NRIP1: variants seen among roughly 807,000 people sequenced by gnomAD.
NRIP1 encodes the protein nuclear receptor interacting protein 1, also known as nuclear receptor-interacting protein 1.
In NRIP1, 28 loss-of-function variants were observed where a neutral mutation model predicts 75.0. The ratio of observed to expected loss-of-function variants is 0.37; its 90% confidence interval spans 0.28 to 0.51. NRIP1 has a LOEUF of 0.51. NRIP1 is among the 20% of genes least tolerant of loss of function. The pLI, the probability that NRIP1 is intolerant of heterozygous loss-of-function variation, is 0.92. For missense variants in NRIP1, 1,435 were observed against 1,343.7 expected (o/e 1.07, Z -1.06); for synonymous variants, 526 against 487.6 (o/e 1.08, Z -1.04).
In NRIP1 at chr21:14,967,578, A is replaced by T; in HGVS notation, c.615T>A (p.Asp205Glu). 3.1e-6 allele frequency: 5 copies of T among 1,614,162 alleles called. No individual in the cohort carries two copies. The highest frequency in any genetic ancestry group is 4.2e-6 in the Non-Finnish European group (5 of 1,180,034). Reference sequence around the variant, plus strand: ...TATCTCTGATGAGGTTTTTAGTCACATCAGGAAGATTCGTATCAGGCTTTT... The same window carrying T: ...TATCTCTGATGAGGTTTTTAGTCACTTCAGGAAGATTCGTATCAGGCTTTT... ...KDQKPDTNLP[D>E]VTKNLIRDRF... The change falls in exon 4 of 4, where the codon GAT (aspartate) becomes GAA (glutamate). Residue 205 changes from aspartate to glutamate, a missense_variant. By Grantham distance (45) the Asp-to-Glu change is conservative (BLOSUM62 2). Transcript: ENST00000318948.
intron 2 of NRIP1, among the ~76,000 whole-genome samples, chr21:15,039,339 T>C (rs965686240): frequency 6.6e-6 from 1 of 152,116 alleles, no homozygotes; most frequent in African/African-American, 2.4e-5. Context: ...TAAAGTGTGA[T>C]TATGCCGTTT....
intron 3 of NRIP1, among the ~76,000 whole-genome samples, chr21:14,985,485 A>G (rs2087372400): frequency 6.6e-6 from 1 of 152,160 alleles, no homozygotes; most frequent in Non-Finnish European, 1.5e-5. Context: ...GCTATCTATC[A>G]TCTATCATCT....
At chr21:15,035,485 T>C (rs2088810480) in intron 2 of NRIP1, among the ~76,000 whole-genome samples, 1 of 151,880 alleles carries the variant, frequency 6.6e-6, no homozygotes, top group South Asian at 2.1e-4. Context: ...AGAGAGGTTA[T>C]ACTAATAAAA....
rs2086598331 is a variant in NRIP1, at chr21:14,961,901, CATT to C, written c.*2812_*2814del. 6.6e-6 allele frequency: 1 copy of C among 151,614 alleles called. No individual in the cohort carries two copies. The highest frequency in any genetic ancestry group is 6.6e-5 in the Admixed American group (1 of 15,132). 9.4% of individuals were successfully genotyped at this position (151,614 alleles called of 1,614,324 possible). On this transcript the variant is annotated 3_prime_UTR_variant, in exon 4 of 4. Coordinates refer to ENST00000318948, the MANE Select transcript of NRIP1 (RefSeq NM_003489.4). Reference sequence around the variant, plus strand: ...AAGAGATTAAAAGGCTTTTCTGTTGCATTAGAACAATACAAAATATGTATTTTT... The same window carrying C: ...AAGAGATTAAAAGGCTTTTCTGTTGCAGAACAATACAAAATATGTATTTTT...
At chr21:14,993,711 G>C (rs2087636044) in intron 3 of NRIP1, among the ~76,000 whole-genome samples, 1 of 151,964 alleles carries the variant, frequency 6.6e-6, no homozygotes, top group Admixed American at 6.6e-5. Context: ...CTTGATCCCA[G>C]GAAGTTGAGG....
At chr21:15,019,617 T>G (rs192107753) in intron 2 of NRIP1, among the ~76,000 whole-genome samples, 2,661 of 150,946 alleles carry the variant, frequency 0.018, 87 homozygotes, top group African/African-American at 0.061. Flanking sequence ...GCCTCCCAAG[T>G]AGCTGGGATT....
chr21:15,008,553 G>T (rs2088028530), intron 3 of NRIP1, among the ~76,000 whole-genome samples: 1 of 152,016 alleles, frequency 6.6e-6, no homozygotes, highest in Non-Finnish European at 1.5e-5. Context: ...CAGCTGCCAA[G>T]CCAACGCTGG....
chr21:15,010,406 T>C (rs999904151), intron 3 of NRIP1, among the ~76,000 whole-genome samples: 4 of 150,248 alleles, frequency 2.7e-5, no homozygotes, highest in Non-Finnish European at 5.9e-5. Flanking sequence ...AAAACCTGAG[T>C]TGATATGGAG....
intron 3 of NRIP1, among the ~76,000 whole-genome samples, chr21:15,000,892 T>C (rs1357046197): frequency 3.3e-5 from 5 of 152,180 alleles, no homozygotes; most frequent in Admixed American, 1.3e-4. Flanking sequence ...TTATAGACAA[T>C]ATGACCTCAA....
intron 3 of NRIP1, among the ~76,000 whole-genome samples, chr21:15,002,674 T>G (rs2087876353): frequency 6.6e-6 from 1 of 152,152 alleles, no homozygotes; most frequent in South Asian, 2.1e-4. Flanking sequence ...TCATGATCAG[T>G]CTTCTTTGTA....
intron 3 of NRIP1, among the ~76,000 whole-genome samples, chr21:15,006,482 G>A (rs1258040128): frequency 6.6e-6 from 1 of 152,182 alleles, no homozygotes; most frequent in Non-Finnish European, 1.5e-5. Context: ...CAGCTGTAAT[G>A]CTTAAATCAC....
intron 3 of NRIP1, among the ~76,000 whole-genome samples, chr21:15,001,606 G>A (rs940854473): frequency 6.6e-6 from 1 of 150,802 alleles, no homozygotes; most frequent in Non-Finnish European, 1.5e-5. Flanking sequence ...TTCTACAACC[G>A]AATAAAACAG....
chr21:15,028,113 G>A (rs1163324295), intron 2 of NRIP1, among the ~76,000 whole-genome samples: 1 of 152,086 alleles, frequency 6.6e-6, no homozygotes, highest in Non-Finnish European at 1.5e-5. Context: ...TGAGTATCTA[G>A]CATGTGAAAG....
intron 2 of NRIP1, among the ~76,000 whole-genome samples, chr21:15,031,786 G>A (rs2088701552): frequency 1.4e-5 from 2 of 147,964 alleles, no homozygotes; most frequent in South Asian, 4.3e-4. Context: ...CACTCTGGAA[G>A]GCGCTCGGAG....
At chr21:14,994,914 T>C (rs1475101067) in intron 3 of NRIP1, among the ~76,000 whole-genome samples, 1 of 152,224 alleles carries the variant, frequency 6.6e-6, no homozygotes, top group Admixed American at 6.5e-5. Flanking sequence ...AAATTTTATT[T>C]TTCCCTCTGA....
intron 3 of NRIP1, among the ~76,000 whole-genome samples, chr21:14,976,071 C>G (rs1398297703): frequency 6.6e-6 from 1 of 151,976 alleles, no homozygotes; most frequent in Non-Finnish European, 1.5e-5. Flanking sequence ...CCAAAGAACC[C>G]TGATAGTATA....
chr21:15,021,468 C>A (rs13052079), intron 2 of NRIP1, among the ~76,000 whole-genome samples: 1 of 152,004 alleles, frequency 6.6e-6, no homozygotes, highest in East Asian at 1.9e-4. Flanking sequence ...AATGTCCTAA[C>A]GCCGGACTGT....
Position 14,965,425 on chromosome 21 carries a change from T to C in NRIP1, c.2768A>G (p.His923Arg), listed in dbSNP as rs1568936097. The part of the protein sequence containing the change: ...AGHGSASESE[H>R]RSWARESKSF... The stretch of plus-strand genomic sequence containing the variant: ...TTTGCTCTCTCTGGCCCAACTCCTG[T>C]GTTCACTTTCGCTGGCTGAGCCATG... The change falls in exon 4 of 4, where the codon CAC becomes CGC. Residue 923 changes from histidine (H) to arginine (R), a missense_variant. Transcript: ENST00000318948. 12 of 1,614,004 alleles carry C rather than the reference T, an allele frequency of 7.4e-6. No homozygotes were observed. Among genetic ancestry groups the C allele is most frequent in the Non-Finnish European group, 1.0e-5 (12 of 1,179,934 alleles).
chr21:15,062,988 T>C (rs1176257824), intron 1 of NRIP1, among the ~76,000 whole-genome samples: 2 of 152,196 alleles, frequency 1.3e-5, no homozygotes, highest in African/African-American at 4.8e-5. Flanking sequence ...TTCAACTAAC[T>C]CATTTGAATA....
Sources: allele counts gnomAD v4.1 joint callset (sites outside exome capture counted in the v4.1 genomes callset), GRCh38; gene constraint gnomAD v4.1.1; transcripts MANE v1.5; gene names NCBI Gene and HGNC (gene_info 2026-07-23, HGNC 2026-07-21).